Variants in SPMIP2 observed in about 807,000 individuals in gnomAD.
The protein encoded by SPMIP2 is sperm microtubule inner protein 2, also known as protein SPMIP2.
At chr4:158,994,761 A>C in the SPMIP2 span, among the ~76,000 whole-genome samples, 1 of 152,212 alleles carries the variant, frequency 6.6e-6, no homozygotes, top group Non-Finnish European at 1.5e-5. Flanking sequence ...CGAACCTATG[A>C]AATGAACTCT....
chr4:158,958,939 AT>A, the SPMIP2 span, among the ~76,000 whole-genome samples: 1 of 152,226 alleles, frequency 6.6e-6, no homozygotes, highest in Non-Finnish European at 1.5e-5. Flanking sequence ...TTCATTATTA[AT>A]TTGGCTCTCA....
At chr4:158,984,947 G>A in the SPMIP2 span, among the ~76,000 whole-genome samples, 1 of 151,608 alleles carries the variant, frequency 6.6e-6, no homozygotes, top group Admixed American at 6.6e-5. Flanking sequence ...ATGATAAAGG[G>A]GATATCACCA....
chr4:159,065,015 C>A, the SPMIP2 span, among the ~76,000 whole-genome samples: 1 of 152,194 alleles, frequency 6.6e-6, no homozygotes, highest in Non-Finnish European at 1.5e-5. Context: ...ATTCCACATT[C>A]CCTGGGCAGA....
the SPMIP2 span, among the ~76,000 whole-genome samples, chr4:158,951,610 A>G: frequency 1.3e-5 from 2 of 152,206 alleles, no homozygotes; most frequent in Non-Finnish European, 2.9e-5. Context: ...CTTTGTGAGA[A>G]AATTTAAGTT....
At chr4:159,063,640 TC>T in the SPMIP2 span, among the ~76,000 whole-genome samples, 1 of 152,136 alleles carries the variant, frequency 6.6e-6, no homozygotes, top group Non-Finnish European at 1.5e-5. Context: ...GAGAGTTCAT[TC>T]CTAAAGCTTT....
chr4:159,024,414 T>C, the SPMIP2 span, among the ~76,000 whole-genome samples: 1 of 152,196 alleles, frequency 6.6e-6, no homozygotes, highest in Non-Finnish European at 1.5e-5. Context: ...CACTTTATCC[T>C]TTATCACTTG....
the SPMIP2 span, among the ~76,000 whole-genome samples, chr4:159,004,005 G>T: frequency 2.4e-4 from 37 of 151,740 alleles, 1 homozygote; most frequent in South Asian, 1.5e-3. Flanking sequence ...TCCATTTTGG[G>T]TTTTTTTTGT....
chr4:159,060,561 T>C, the SPMIP2 span, among the ~76,000 whole-genome samples: 5 of 152,194 alleles, frequency 3.3e-5, no homozygotes, highest in Admixed American at 3.3e-4. Flanking sequence ...GTAAGGATGG[T>C]GTACGCCAGG....
At chr4:158,903,766 G>A in the SPMIP2 span, among the ~76,000 whole-genome samples, 1 of 152,118 alleles carries the variant, frequency 6.6e-6, no homozygotes, top group Non-Finnish European at 1.5e-5. Flanking sequence ...GGAATTCAAG[G>A]GTAAGGATTA....
chr4:158,911,865 A>G, the SPMIP2 span, among the ~76,000 whole-genome samples: 166 of 152,334 alleles, frequency 1.1e-3, no homozygotes, highest in Non-Finnish European at 1.8e-3. Flanking sequence ...GAAGGGGGAC[A>G]ATGAGAACAT....
chr4:158,911,557 T>A, the SPMIP2 span, among the ~76,000 whole-genome samples: 1 of 107,656 alleles, frequency 9.3e-6, no homozygotes, highest in Non-Finnish European at 1.8e-5. Flanking sequence ...AGAATAGACT[T>A]CCCTTTGCCT....
the SPMIP2 span, among the ~76,000 whole-genome samples, chr4:158,982,549 AG>A: frequency 6.6e-6 from 1 of 152,262 alleles, no homozygotes; most frequent in Non-Finnish European, 1.5e-5. Context: ...CAATCAACTT[AG>A]AACTCAGGAT....
At chr4:158,903,767 GT>G in the SPMIP2 span, among the ~76,000 whole-genome samples, 31 of 152,262 alleles carry the variant, frequency 2.0e-4, no homozygotes, top group Admixed American at 7.8e-4. Flanking sequence ...GAATTCAAGG[GT>G]AAGGATTAGG....
At chr4:159,005,074 T>G in the SPMIP2 span, among the ~76,000 whole-genome samples, 1 of 151,686 alleles carries the variant, frequency 6.6e-6, no homozygotes, top group African/African-American at 2.4e-5. Flanking sequence ...CTACTAAAAA[T>G]ACAAAAATTA....
chr4:159,027,332 C>T, the SPMIP2 span, among the ~76,000 whole-genome samples: 3 of 152,008 alleles, frequency 2.0e-5, no homozygotes, highest in Non-Finnish European at 2.9e-5. Flanking sequence ...AGATCATTTC[C>T]AACTATCTTA....
the SPMIP2 span, among the ~76,000 whole-genome samples, chr4:158,930,682 A>G: frequency 1.3e-5 from 2 of 151,720 alleles, no homozygotes; most frequent in Admixed American, 6.6e-5. Flanking sequence ...ATTTGGATAG[A>G]GATGAGATCT....
At chr4:158,899,647 T>C in the SPMIP2 span, among the ~76,000 whole-genome samples, 290 of 152,364 alleles carry the variant, frequency 1.9e-3, 1 homozygote, top group African/African-American at 6.6e-3. Context: ...TAGAGGTGTT[T>C]ATAGTATTCT....
At chr4:159,043,553 T>C in the SPMIP2 span, among the ~76,000 whole-genome samples, 2 of 152,144 alleles carry the variant, frequency 1.3e-5, no homozygotes, top group South Asian at 2.1e-4. Flanking sequence ...TTCACTGTGT[T>C]AGCCAGGATG....
chr4:158,935,824 A>G, the SPMIP2 span, among the ~76,000 whole-genome samples: 1 of 152,258 alleles, frequency 6.6e-6, no homozygotes, highest in African/African-American at 2.4e-5. Flanking sequence ...CCAATAGGAC[A>G]AACTCCACTT....
Sources: gnomAD v4.1 joint callset for allele counts (sites outside exome capture counted in the v4.1 genomes callset) on GRCh38, gnomAD v4.1.1 for gene constraint, MANE v1.5 for transcripts, NCBI Gene and HGNC (gene_info 2026-07-23, HGNC 2026-07-21) for gene names.